The following EBAG9 variants were observed in gnomAD, a reference collection of about 807,000 sequenced individuals.
EBAG9 encodes estrogen receptor binding site associated antigen 9.
Under a neutral mutation model 30.9 loss-of-function variants are expected in EBAG9, and 16 were observed. The observed-to-expected ratio is 0.52, with a 90% CI of 0.35 to 0.79. The LOEUF (loss-of-function observed/expected upper bound fraction) is 0.79, where lower values mean the gene tolerates loss of function less well. EBAG9 is among the 30% of genes least tolerant of loss of function. The probability of loss-of-function intolerance (pLI) is 0.01; values close to 1 mark genes in which losing one functional copy is unlikely to be tolerated. For missense variants in EBAG9, 197 were observed against 242.1 expected (o/e 0.81, Z 1.24); for synonymous variants, 93 against 82.8 (o/e 1.12, Z -0.67).
chr8:109,547,611 G>C (rs905095768), intron 1 of EBAG9, among the ~76,000 whole-genome samples: 1 of 151,812 alleles, frequency 6.6e-6, no homozygotes, highest in Admixed American at 6.6e-5. Flanking sequence ...CTCCTGAGTA[G>C]CTGGGACTAC....
intron 6 of EBAG9, among the ~76,000 whole-genome samples, chr8:109,562,012 G>T (rs912940686): frequency 6.6e-6 from 1 of 151,278 alleles, no homozygotes; most frequent in African/African-American, 2.4e-5. Flanking sequence ...TTTATAAAGG[G>T]AATATTTTTT....
intron 1 of EBAG9, among the ~76,000 whole-genome samples, chr8:109,546,624 A>AT (rs749824053): frequency 2.6e-5 from 4 of 152,078 alleles, no homozygotes; most frequent in Admixed American, 6.6e-5. Flanking sequence ...ACATTATGAG[A>AT]TTTTTTTGCA....
At chr8:109,551,436 C>G (rs1418447098) in intron 2 of EBAG9, among the ~76,000 whole-genome samples, 1 of 152,046 alleles carries the variant, frequency 6.6e-6, no homozygotes, top group East Asian at 1.9e-4. Flanking sequence ...TCAGTTCCTT[C>G]TGTTTTGTCA....
intron 5 of EBAG9, among the ~76,000 whole-genome samples, chr8:109,558,769 ATTC>A (rs1393967257): frequency 3.9e-5 from 6 of 152,168 alleles, no homozygotes; most frequent in Admixed American, 2.6e-4. Context: ...TACAAATTAG[ATTC>A]TTCTTTTAAA....
Position 109,554,765 on chromosome 8 carries a change from G to A in EBAG9, c.199G>A (p.Ala67Thr). Reference sequence around the variant, plus strand: ...AGAGTGGACTTCCTGGGATGAAGATGCACCCACCAGTGTAAAGATCGAAGG... The same window carrying A: ...AGAGTGGACTTCCTGGGATGAAGATACACCCACCAGTGTAAAGATCGAAGG... ...VEEWTSWDEDAPTSVKIEGGN... is the reference protein window; with the variant it reads ...VEEWTSWDEDTPTSVKIEGGN... Residue 67 changes from alanine to threonine, a missense_variant, in exon 4 of 7, where the codon GCA becomes ACA. Physicochemically the swap from Ala to Thr is moderately conservative, Grantham distance 58. Transcript: ENST00000337573. 6.2e-7 allele frequency: 1 copy of A among 1,613,556 alleles called. No homozygotes were observed. The highest frequency in any genetic ancestry group is 2.2e-5 in the East Asian group (1 of 44,848).
chr8:109,561,635 A>G (rs1563658199), intron 6 of EBAG9, among the ~76,000 whole-genome samples: 2 of 151,854 alleles, frequency 1.3e-5, no homozygotes, highest in Non-Finnish European at 1.5e-5. Flanking sequence ...GAATTCATAC[A>G]TTTTTTAAAT....
intron 5 of EBAG9, 51 bp from the exon 6 acceptor site, chr8:109,560,787 G>C (rs1279759781): frequency 7.7e-7 from 1 of 1,306,086 alleles, no homozygotes; most frequent in East Asian, 2.4e-5. Context: ...ACGGCTATGT[G>C]GAGAAAGGAT....
At chr8:109,550,992 A>G in intron 2 of EBAG9, 85 bp downstream of exon 2, 1 of 839,086 alleles carries the variant, frequency 1.2e-6, no homozygotes, top group Non-Finnish European at 1.9e-6. Context: ...CGTGGACAGG[A>G]CAGGTTATAT....
At chr8:109,563,988 A>T (rs933937856) in intron 6 of EBAG9, among the ~76,000 whole-genome samples, 2 of 152,058 alleles carry the variant, frequency 1.3e-5, no homozygotes, top group African/African-American at 2.4e-5. Context: ...CATGCACTTT[A>T]AAAACTGGCT....
chr8:109,564,357 G>GGCACT, intron 6 of EBAG9, 82 bp from the exon 7 acceptor site: 1 of 1,517,692 alleles, frequency 6.6e-7, no homozygotes, highest in Non-Finnish European at 8.9e-7. Flanking sequence ...ATAATAAAAA[G>GGCACT]GCACTGCTAT....
intron 1 of EBAG9, among the ~76,000 whole-genome samples, chr8:109,548,887 C>A (rs796314877): frequency 4.8e-5 from 6 of 125,124 alleles, no homozygotes; most frequent in Non-Finnish European, 8.5e-5. Flanking sequence ...TTTCTTTTTT[C>A]TTTTTTTTTT....
In EBAG9 at chr8:109,550,621, C is replaced by T. The variant is rs554344945; in HGVS notation, c.-15-189C>T. On this transcript the variant is annotated intron_variant, in intron 1 of 6. Transcript: ENST00000337573. ...GTTTTATCCTTACAACCATTGAAAA[C>T]TCGAAAACCTGGTTTTTGACTTGTT... 2.0e-4 allele frequency: 92 copies of T among 455,332 alleles called. No individual in the cohort carries two copies. The Middle Eastern group carries it at 7.2e-3, about 35-fold the overall frequency. The allele number at this position is 455,332 out of a possible 1,614,324, so 28.2% of individuals were successfully genotyped here. A position where few individuals can be genotyped will look rare whatever the true frequency, so the allele number is the denominator to read the frequency against.
Position 109,556,988 on chromosome 8 carries a change from A to G in EBAG9, c.375A>G (p.Thr125=). Reference sequence around the variant, plus strand: ...ATTTTGGCATCCCAGATGGGAGCACAGGTTTCTCTAGTAGATTAGCAGCTA... The same window carrying G: ...ATTTTGGCATCCCAGATGGGAGCACGGGTTTCTCTAGTAGATTAGCAGCTA... ...PLNFGIPDGS[T]GFSSRLAATQ... is the part of the protein sequence containing the mutation. Residue 125 remains threonine, a synonymous_variant, in exon 5 of 7, where the codon ACA becomes ACG. Transcript: ENST00000337573. 1.2e-6 allele frequency: 2 copies of G among 1,608,390 alleles called. No homozygotes were observed. The highest frequency in any genetic ancestry group is 1.7e-6 in the Non-Finnish European group (2 of 1,176,794).
At chr8:109,547,069 A>G (rs996600115) in intron 1 of EBAG9, among the ~76,000 whole-genome samples, 1 of 152,042 alleles carries the variant, frequency 6.6e-6, no homozygotes, top group Non-Finnish European at 1.5e-5. Flanking sequence ...CTCTGTCACC[A>G]GGCTGAAGTG....
chr8:109,544,316 C>A (rs1488860023), intron 1 of EBAG9, among the ~76,000 whole-genome samples: 1 of 152,010 alleles, frequency 6.6e-6, no homozygotes, highest in Non-Finnish European at 1.5e-5. Flanking sequence ...GGAAAAAAAA[C>A]TATCAAATTA....
intron 1 of EBAG9, among the ~76,000 whole-genome samples, chr8:109,548,887 C>CTTTTTTTTTTTTTTTTTTT (rs548152043): frequency 6.4e-5 from 8 of 125,124 alleles, no homozygotes; most frequent in African/African-American, 2.1e-4. Flanking sequence ...TTTCTTTTTT[C>CTTTTTTTTTTTTTTTTTTT]TTTTTTTTTT....
In EBAG9 at chr8:109,556,983, A is replaced by G; in HGVS notation, c.370A>G (p.Ser124Gly). Residue 124 changes from serine to glycine, a missense_variant, in exon 5 of 7, where the codon AGC becomes GGC. Transcript: ENST00000337573. ...ATTGAATTTTGGCATCCCAGATGGG[A>G]GCACAGGTTTCTCTAGTAGATTAGC... is the stretch of plus-strand genomic sequence containing the variant. ...EPLNFGIPDG[S>G]TGFSSRLAAT... The G allele has an allele frequency of 1.9e-6, 3 of 1,608,102 alleles. No homozygotes were observed. Among genetic ancestry groups the G allele is most frequent in the Non-Finnish European group, 2.5e-6 (3 of 1,176,660 alleles).
chr8:109,546,304 G>T (rs1821382489), intron 1 of EBAG9, among the ~76,000 whole-genome samples: 1 of 152,138 alleles, frequency 6.6e-6, no homozygotes, highest in Non-Finnish European at 1.5e-5. Context: ...TAATTGAAAT[G>T]CAATAAACTG....
chr8:109,546,465 C>G (rs1252181329), intron 1 of EBAG9, among the ~76,000 whole-genome samples: 2 of 152,194 alleles, frequency 1.3e-5, no homozygotes, highest in Non-Finnish European at 2.9e-5. Flanking sequence ...TTCTCCCTGC[C>G]TCATTACAAG....
Sources: gnomAD v4.1 joint callset for allele counts (sites outside exome capture counted in the v4.1 genomes callset) on GRCh38, gnomAD v4.1.1 for gene constraint, MANE v1.5 for transcripts, NCBI Gene and HGNC (gene_info 2026-07-23, HGNC 2026-07-21) for gene names.